The following ZFAND6 variants were observed in gnomAD, a reference collection of about 807,000 sequenced individuals.
The protein encoded by ZFAND6 is zinc finger AN1-type containing 6.
A neutral mutation model predicts 24.5 loss-of-function variants in ZFAND6; 12 were observed. The observed-to-expected ratio is 0.49, with a 90% CI of 0.31 to 0.79. The LOEUF (loss-of-function observed/expected upper bound fraction) is 0.79. ZFAND6 is among the 30% of genes least tolerant of loss of function. The probability of loss-of-function intolerance (pLI) is 0.04; values close to 1 mark genes in which losing one functional copy is unlikely to be tolerated. For synonymous variants in ZFAND6, 92 were observed against 81.5 expected (o/e 1.13, Z -0.69); for missense variants, 207 against 245.9 (o/e 0.84, Z 1.06).
intron 1 of ZFAND6, among the ~76,000 whole-genome samples, chr15:80,091,362 T>G (rs1596241854): frequency 6.6e-6 from 1 of 152,194 alleles, no homozygotes; most frequent in African/African-American, 2.4e-5. Flanking sequence ...GTGATTAAAC[T>G]CCAAGCCATA....
At position 80,138,017 on chromosome 15, in the gene ZFAND6, ATAATGCCCTTT is replaced by A. The variant is rs1466903247; in HGVS notation, c.*390_*400del. The stretch of plus-strand genomic sequence containing the variant: ...TCTCTGCAGCACGATTTCTCTTTTG[ATAATGCCCTTT>A]AGGGCACAACTAGTTATCAGTAACT... On this transcript the variant is annotated 3_prime_UTR_variant, in exon 7 of 7. Transcript: ENST00000261749. 1 of 156,550 alleles carries A rather than the reference ATAATGCCCTTT, an allele frequency of 6.4e-6. No individual in the cohort carries two copies. Among genetic ancestry groups the A allele is most frequent in the Non-Finnish European group, 1.4e-5 (1 of 70,870 alleles). The allele number at this position is 156,550 out of a possible 1,614,324, so 9.7% of individuals were successfully genotyped here.
intron 6 of ZFAND6, among the ~76,000 whole-genome samples, chr15:80,134,482 A>T (rs2040765392): frequency 6.6e-6 from 1 of 151,680 alleles, no homozygotes; most frequent in South Asian, 2.1e-4. Context: ...GTGCTATGGA[A>T]GAGAACCCCA....
At chr15:80,135,278 C>G (rs75318459) in intron 6 of ZFAND6, among the ~76,000 whole-genome samples, 1 of 152,094 alleles carries the variant, frequency 6.6e-6, no homozygotes, top group African/African-American at 2.4e-5. Context: ...ACATACAACA[C>G]AAAATATGTG....
rs923777719 is a variant in ZFAND6 at position 80,121,086 on chromosome 15, G to A, written c.154+588G>A. On this transcript the variant is annotated intron_variant, in intron 3 of 6. Coordinates refer to ENST00000261749, the MANE Select transcript of ZFAND6 (RefSeq NM_019006.4). Reference sequence around the variant, plus strand: ...TTCCAAGTATAAGCTTTGCAAAAAGGAAAGTGTTTAGTGTATTCATTTAGG... The same window carrying A: ...TTCCAAGTATAAGCTTTGCAAAAAGAAAAGTGTTTAGTGTATTCATTTAGG... 3.9e-5 allele frequency among the ~76,000 whole-genome samples: 6 copies of A among 152,148 alleles called. 1 individual carries two copies. The highest frequency in any genetic ancestry group is 1.3e-4 in the Admixed American group (2 of 15,268).
chr15:80,124,328 G>T (rs964644879), intron 5 of ZFAND6, among the ~76,000 whole-genome samples: 15 of 152,230 alleles, frequency 9.9e-5, no homozygotes, highest in African/African-American at 3.6e-4. Context: ...AGCTACTGGG[G>T]AGGCTGAGGC....
chr15:80,122,276 A>G (rs1307819287), intron 4 of ZFAND6, among the ~76,000 whole-genome samples: 1 of 152,172 alleles, frequency 6.6e-6, no homozygotes, highest in Non-Finnish European at 1.5e-5. Context: ...ATACAGCAAT[A>G]CTGGTTTCAT....
At chr15:80,119,955 A>G (rs886094404) in intron 2 of ZFAND6, among the ~76,000 whole-genome samples, 5 of 152,238 alleles carry the variant, frequency 3.3e-5, no homozygotes, top group Non-Finnish European at 5.9e-5. Flanking sequence ...ATTAGATAAT[A>G]TAACATACAT....
In ZFAND6 at chr15:80,137,544, C is replaced by T; in HGVS notation, c.543C>T (p.Cys181=). 1 of 1,606,260 alleles carries T rather than the reference C, an allele frequency of 6.2e-7. No homozygotes were observed. The highest frequency in any genetic ancestry group is 8.5e-7 in the Non-Finnish European group (1 of 1,177,712). Residue 181 remains cysteine (C), a synonymous_variant, in exon 7 of 7, where the codon TGC becomes TGT. Transcript: ENST00000261749. ...GVHRYSDVHN[C]SYNYKADAAE... ...ACCGTTACTCAGATGTACACAATTG[C>T]TCTTACAATTACAAAGCCGATGCTG... is the stretch of plus-strand genomic sequence containing the variant.
rs749398289 is a variant in ZFAND6, at chr15:80,137,435, A to G, written c.479-45A>G. ...AGTATTAATTATGCCAAAGACCTTA[A>G]TATTTCATCCTTCAACTCATGTATG... is the stretch of plus-strand genomic sequence containing the variant. On this transcript the variant is annotated intron_variant, in intron 6 of 6. Transcript: ENST00000261749. 3.8e-6 allele frequency: 6 copies of G among 1,569,874 alleles called. No homozygotes were observed. In the South Asian group the frequency reaches 7.4e-5, roughly 19 times the overall value.
At chr15:80,098,868 A>C (rs1178222320) in intron 2 of ZFAND6, among the ~76,000 whole-genome samples, 1 of 152,122 alleles carries the variant, frequency 6.6e-6, no homozygotes, top group East Asian at 1.9e-4. Context: ...GTGAAGCAAA[A>C]GATTGTAATT....
Position 80,120,524 on chromosome 15 carries a change from T to A in ZFAND6, c.154+26T>A, listed in dbSNP as rs773429952. ...GTAAGTAATTCTAGTGAAACCCGTC[T>A]ATATTCATAATTGAAATACAAGTGG... On this transcript the variant is annotated intron_variant, in intron 3 of 6. Coordinates refer to ENST00000261749, the MANE Select transcript of ZFAND6 (RefSeq NM_019006.4). The A allele has an allele frequency of 2.0e-6, 3 of 1,472,430 alleles. No homozygotes were observed. In the Admixed American group the frequency reaches 6.4e-5, roughly 32 times the overall value. The allele number at this position is 1,472,430 out of a possible 1,614,324, so 91.2% of individuals were successfully genotyped here.
chr15:80,106,445 G>A (rs1475480217), intron 2 of ZFAND6, among the ~76,000 whole-genome samples: 1 of 152,124 alleles, frequency 6.6e-6, no homozygotes, highest in Admixed American at 6.5e-5. Context: ...AAATTGAGCA[G>A]TTATGACAGA....
At chr15:80,129,284 A>AC (rs1290390065) in intron 5 of ZFAND6, among the ~76,000 whole-genome samples, 1 of 152,230 alleles carries the variant, frequency 6.6e-6, no homozygotes, top group African/African-American at 2.4e-5. Flanking sequence ...TATTAATAGA[A>AC]CTGTCCCCTG....
intron 5 of ZFAND6, among the ~76,000 whole-genome samples, chr15:80,126,304 G>C (rs1444576778): frequency 6.6e-6 from 1 of 152,188 alleles, no homozygotes; most frequent in Admixed American, 6.5e-5. Flanking sequence ...CATTTCTTCT[G>C]ATTCTAAAGA....
chr15:80,058,972 C>T (rs1460142564), upstream of ZFAND6, among the ~76,000 whole-genome samples: 1 of 152,246 alleles, frequency 6.6e-6, no homozygotes, highest in Non-Finnish European at 1.5e-5. Context: ...AGCAGCCCAG[C>T]GTGCACCACG....
chr15:80,102,543 T>C (rs886205689), intron 2 of ZFAND6, among the ~76,000 whole-genome samples: 1 of 152,242 alleles, frequency 6.6e-6, no homozygotes, highest in African/African-American at 2.4e-5. Flanking sequence ...AGATGAAAAC[T>C]GATTTTTACA....
At chr15:80,074,674 A>C (rs770204457) in intron 1 of ZFAND6, among the ~76,000 whole-genome samples, 1 of 151,998 alleles carries the variant, frequency 6.6e-6, no homozygotes. Context: ...GTTAAAGGTA[A>C]GAACTTAACT....
intron 5 of ZFAND6, chr15:80,130,293 A>G (rs1034308353): frequency 5.3e-5 from 8 of 152,208 alleles, no homozygotes; most frequent in African/African-American, 1.9e-4. Flanking sequence ...AAATGGGGAA[A>G]AAGGAAACCC....
intron 1 of ZFAND6, among the ~76,000 whole-genome samples, chr15:80,074,921 G>A (rs1309039350): frequency 6.6e-6 from 1 of 152,022 alleles, no homozygotes; most frequent in Non-Finnish European, 1.5e-5. Context: ...GTAATGATAA[G>A]CCATAGGCTG....
Sources: allele counts gnomAD v4.1 joint callset (sites outside exome capture counted in the v4.1 genomes callset), GRCh38; gene constraint gnomAD v4.1.1; transcripts MANE v1.5; gene names NCBI Gene and HGNC (gene_info 2026-07-23, HGNC 2026-07-21).